C1RL: variants seen among roughly 807,000 people sequenced by gnomAD.
C1RL encodes complement C1r subcomponent-like protein.
A neutral mutation model predicts 27.9 loss-of-function variants in C1RL; 27 were observed. The ratio of observed to expected loss-of-function variants is 0.97; its 90% CI spans 0.71 to 1.33. The LOEUF (loss-of-function observed/expected upper bound fraction) is 1.33, where lower values mean the gene tolerates loss of function less well. Among genes scored for constraint, C1RL ranks in the 40% most tolerant of loss-of-function variants. C1RL has a pLI of 0.00. For missense variants in C1RL, 563 were observed against 623.9 expected, an observed-to-expected ratio of 0.90 and a Z score of 1.04; for synonymous variants, 248 against 252.1, an observed-to-expected ratio of 0.98 and a Z score of 0.15.
At chr12:7,106,883 T>C (rs1176768711) in intron 2 of C1RL, among the ~76,000 whole-genome samples, 1 of 152,166 alleles carries the variant, frequency 6.6e-6, no homozygotes, top group African/African-American at 2.4e-5. Flanking sequence ...TGAATAAAGA[T>C]TTAACTAAAA....
chr12:7,104,462 C>G lies in C1RL; in HGVS notation c.301-2375G>C, dbSNP rs758053169. Among the ~76,000 whole-genome samples the G allele has an allele frequency of 1.3e-5, 2 of 152,364 alleles. No homozygotes were observed. The highest frequency in any genetic ancestry group is 4.8e-5 in the African/African-American group (2 of 41,584). On this transcript the variant is annotated intron_variant, in intron 2 of 5. Coordinates refer to ENST00000266542, the MANE Select transcript of C1RL (RefSeq NM_016546.4). This position sits in a 1 kb window ranked among gnomAD's most constrained non-coding sequence, Gnocchi z 5.4. ...ATTGCCCCGTGTCCGGGGCCACTCT[C>G]TGGGTGAAGTCTGCACATTCTTCCC...
At chr12:7,100,575 C>T (rs2135756434) in intron 3 of C1RL, among the ~76,000 whole-genome samples, 1 of 152,218 alleles carries the variant, frequency 6.6e-6, no homozygotes, top group East Asian at 1.9e-4. Context: ...AGGCAGATCA[C>T]CTGAGGTCAG....
intron 5 of C1RL, chr12:7,098,356 G>A (rs1938517406): frequency 6.6e-6 from 1 of 152,244 alleles, no homozygotes; most frequent in Admixed American, 6.5e-5. Flanking sequence ...GAACCCTCAT[G>A]TATTGCCGGT....
At chr12:7,107,061 C>T (rs1287389939) in intron 2 of C1RL, among the ~76,000 whole-genome samples, 1 of 152,094 alleles carries the variant, frequency 6.6e-6, no homozygotes, top group Non-Finnish European at 1.5e-5. Context: ...AAGTTAAAGA[C>T]CAGATGAAAC....
At chr12:7,103,455 C>A (rs1321064077) in intron 2 of C1RL, among the ~76,000 whole-genome samples, 1 of 152,208 alleles carries the variant, frequency 6.6e-6, no homozygotes, top group Non-Finnish European at 1.5e-5. Flanking sequence ...CCTCTTCCAG[C>A]ATGTTCTATG....
At position 7,101,732 on chromosome 12, in the gene C1RL, T is replaced by A. The variant is rs139793610; in HGVS notation, c.490+166A>T. 3.2e-3 allele frequency: 2,255 copies of A among 694,654 alleles called. 34 individuals carry two copies. The African/African-American group carries it at 0.035, about 11-fold the overall frequency. 43.0% of individuals were successfully genotyped at this position (694,654 alleles called of 1,614,324 possible). Reference sequence around the variant, plus strand: ...CGCTGGGGGCTCAGCTACGGCTGTCTCTTAATAGGGTTGCTTGCCAGCAGG... The same window carrying A: ...CGCTGGGGGCTCAGCTACGGCTGTCACTTAATAGGGTTGCTTGCCAGCAGG... On this transcript the variant is annotated intron_variant, in intron 3 of 5. Coordinates refer to ENST00000266542, the MANE Select transcript of C1RL (RefSeq NM_016546.4).
rs769070673 is a variant in C1RL, at chr12:7,097,144, G to A, written c.711C>T (p.Thr237=). 37 of 1,608,544 alleles carry A rather than the reference G, an allele frequency of 2.3e-5. No homozygotes were observed. The East Asian group carries it at 8.3e-4, about 36-fold the overall frequency. The change falls in exon 6 of 6, where the codon ACC becomes ACT. Residue 237 remains threonine (T), a synonymous_variant. Coordinates refer to ENST00000266542, the MANE Select transcript of C1RL (RefSeq NM_016546.4). ...QCMPVCGRPV[T]PIAQNQTTLG... ...GGGTCGTCTGATTCTGGGCAATGGG[G>A]GTGACTGGCCGTCCGCAGACTGGGA...
intron 5 of C1RL, among the ~76,000 whole-genome samples, chr12:7,099,003 C>T (rs868727626): frequency 1.3e-5 from 2 of 149,064 alleles, no homozygotes; most frequent in African/African-American, 4.9e-5. Flanking sequence ...CAAGACCAGC[C>T]TGACCAACGT....
At position 7,097,027 on chromosome 12, in the gene C1RL, T is replaced by A; in HGVS notation, c.828A>T (p.Arg276Ser). The A allele has an allele frequency of 6.2e-7, 1 of 1,614,114 alleles. No homozygotes were observed. Among genetic ancestry groups the A allele is most frequent in the African/African-American group, 1.3e-5 (1 of 75,020 alleles). ...TGGTGTGGGCAGCAGTGAGGATCCA[T>A]CTGTCCCCCAGCAGGGCCCCGCCCC... ...GRGGGALLGD[R>S]WILTAAHTIY... Residue 276 changes from arginine (R) to serine (S), a missense_variant, in exon 6 of 6, where the codon AGA becomes AGT. Arg to Ser is a moderately radical substitution (Grantham distance 110). Transcript: ENST00000266542.
chr12:7,095,651 CGGGTGACACAGCAGGTTAGAGGAG>C lies in C1RL; in HGVS notation c.*716_*739del. On this transcript the variant is annotated 3_prime_UTR_variant, in exon 6 of 6. Transcript: ENST00000266542. ...AGGATGTGGGGGCTGGGAGGGAAAG[CGGGTGACACAGCAGGTTAGAGGAG>C]GGTTGAGAAGTATTGCAGCACACTG... The C allele has an allele frequency of 1.0e-6, 1 of 985,706 alleles. No individual in the cohort carries two copies. Among genetic ancestry groups the C allele is most frequent in the Non-Finnish European group, 1.2e-6 (1 of 830,064 alleles). 61.1% of individuals were successfully genotyped at this position (985,706 alleles called of 1,614,324 possible).
intron 2 of C1RL, chr12:7,107,982 A>G: frequency 2.7e-6 from 1 of 374,290 alleles, no homozygotes; most frequent in Non-Finnish European, 4.8e-6. Context: ...GATTTGCAAG[A>G]TTTGTGTGTC....
At position 7,096,111 on chromosome 12, in the gene C1RL, G is replaced by T; in HGVS notation, c.*280C>A. ...AAGGACATTCAAGGCGAAAGTTGTT[G>T]AGATGTACAGGCTTCCCGGGGCCTA... On this transcript the variant is annotated 3_prime_UTR_variant, in exon 6 of 6. Transcript: ENST00000266542. 1 of 1,194,514 alleles carries T rather than the reference G, an allele frequency of 8.4e-7. No individual in the cohort carries two copies. Among genetic ancestry groups the T allele is most frequent in the Non-Finnish European group, 1.0e-6 (1 of 962,416 alleles). The allele number at this position is 1,194,514 out of a possible 1,614,324, so 74.0% of individuals were successfully genotyped here.
In C1RL at chr12:7,096,601, A is replaced by AT. The variant is rs1565634328; in HGVS notation, c.1253dup (p.Asn418LysfsTer8). ...GCGTCTCATCCCCAACACAGAACAT[A>AT]TTGTCAGAAAACACCTCGGGTCTCT... On this transcript the variant is annotated frameshift_variant, in exon 6 of 6. Coordinates refer to ENST00000266542, the MANE Select transcript of C1RL (RefSeq NM_016546.4). LOFTEE classifies it low-confidence loss of function (END_TRUNC). 3.7e-6 allele frequency: 6 copies of AT among 1,613,998 alleles called. No individual in the cohort carries two copies. The highest frequency in any genetic ancestry group is 1.3e-5 in the African/African-American group (1 of 74,958).
At position 7,096,302 on chromosome 12, in the gene C1RL, C is replaced by T; in HGVS notation, c.*89G>A. On this transcript the variant is annotated 3_prime_UTR_variant, in exon 6 of 6. Transcript: ENST00000266542. Reference sequence around the variant, plus strand: ...GCCTCCCCCAACCCCCCACCCCCAACCCCTACCCCAGTGTTCAGTCCTCAC... The same window carrying T: ...GCCTCCCCCAACCCCCCACCCCCAATCCCTACCCCAGTGTTCAGTCCTCAC... 1 of 1,070,056 alleles carries T rather than the reference C, an allele frequency of 9.3e-7. No individual in the cohort carries two copies. Among genetic ancestry groups the T allele is most frequent in the Admixed American group, 5.5e-5 (1 of 18,232 alleles). The allele number at this position is 1,070,056 out of a possible 1,614,324, so 66.3% of individuals were successfully genotyped here.
chr12:7,100,033 G>A lies in C1RL; in HGVS notation c.491-7C>T. On this transcript the variant is annotated splice_region_variant and splice_polypyrimidine_tract_variant and intron_variant, in intron 3 of 5. Transcript: ENST00000266542. ...GGCTGACTATAGTTCACAGCTATAGGAAAACAGCACCTAGCACAGACTTGC... is the reference window on the plus strand; with the variant it reads ...GGCTGACTATAGTTCACAGCTATAGAAAAACAGCACCTAGCACAGACTTGC... 6.2e-7 allele frequency: 1 copy of A among 1,609,138 alleles called. No individual in the cohort carries two copies. Among genetic ancestry groups the A allele is most frequent in the Non-Finnish European group, 8.5e-7 (1 of 1,177,718 alleles).
chr12:7,096,238 A>G lies in C1RL; in HGVS notation c.*153T>C. Reference sequence around the variant, plus strand: ...CTTGCCGGGTGGGGGTTTCTCTTGCAGTGGCTTGGTGCAACAGTGATGTGA... The same window carrying G: ...CTTGCCGGGTGGGGGTTTCTCTTGCGGTGGCTTGGTGCAACAGTGATGTGA... On this transcript the variant is annotated 3_prime_UTR_variant, in exon 6 of 6. Transcript: ENST00000266542. 3 of 1,395,826 alleles carry G rather than the reference A, an allele frequency of 2.1e-6. No individual in the cohort carries two copies. The highest frequency in any genetic ancestry group is 2.8e-6 in the Non-Finnish European group (3 of 1,079,508). 86.5% of individuals were successfully genotyped at this position (1,395,826 alleles called of 1,614,324 possible). A position where few individuals can be genotyped will look rare whatever the true frequency, so the allele number is the denominator to read the frequency against.
intron 5 of C1RL, among the ~76,000 whole-genome samples, chr12:7,097,475 G>A (rs781496458): frequency 2.0e-5 from 3 of 152,118 alleles, no homozygotes; most frequent in African/African-American, 7.2e-5. Context: ...TAGAGACGGG[G>A]TTTCATCATG....
intron 2 of C1RL, among the ~76,000 whole-genome samples, chr12:7,107,881 A>G (rs1170628490): frequency 2.0e-5 from 3 of 152,246 alleles, no homozygotes; most frequent in Admixed American, 1.3e-4. Flanking sequence ...ATTTGTGTCC[A>G]GCTTCCTCAC....
At position 7,096,035 on chromosome 12, in the gene C1RL, C is replaced by G; in HGVS notation, c.*356G>C. On this transcript the variant is annotated 3_prime_UTR_variant, in exon 6 of 6. Coordinates refer to ENST00000266542, the MANE Select transcript of C1RL (RefSeq NM_016546.4). Reference sequence around the variant, plus strand: ...AGCGGGTGAGTAGCTGACTCTTCCACAGGTGAGTATAAAAGCTGTGTCAAC... The same window carrying G: ...AGCGGGTGAGTAGCTGACTCTTCCAGAGGTGAGTATAAAAGCTGTGTCAAC... The G allele has an allele frequency of 9.6e-7, 1 of 1,039,708 alleles. No individual in the cohort carries two copies. Among genetic ancestry groups the G allele is most frequent in the Non-Finnish European group, 1.2e-6 (1 of 866,454 alleles). 64.4% of individuals were successfully genotyped at this position (1,039,708 alleles called of 1,614,324 possible). A position where few individuals can be genotyped will look rare whatever the true frequency, so the allele number is the denominator to read the frequency against.
Sources: gnomAD v4.1 joint callset for allele counts (sites outside exome capture counted in the v4.1 genomes callset) on GRCh38, gnomAD v4.1.1 for gene constraint, Gnocchi (gnomAD v3.1) non-coding constraint, MANE v1.5 for transcripts, NCBI Gene and HGNC (gene_info 2026-07-23, HGNC 2026-07-21) for gene names.